The following SLC25A16 variants were observed in gnomAD, a reference collection of about 807,000 sequenced individuals.
The protein encoded by SLC25A16 is mitochondrial coenzyme A transporter SLC25A16.
Under a neutral mutation model 41.5 loss-of-function variants are expected in SLC25A16, and 39 were observed. The ratio of observed to expected loss-of-function variants is 0.94; its 90% CI spans 0.73 to 1.23. The LOEUF (loss-of-function observed/expected upper bound fraction) is 1.23, where lower values mean the gene tolerates loss of function less well. SLC25A16 is among the 50% of genes most tolerant of loss of function. SLC25A16 has a pLI of 0.00. For synonymous variants in SLC25A16, 146 were observed against 147.8 expected, an observed-to-expected ratio of 0.99 and a Z score of 0.09; for missense variants, 421 against 426.9, an observed-to-expected ratio of 0.99 and a Z score of 0.12.
At chr10:68,500,931 A>C (rs1325766782) in intron 4 of SLC25A16, among the ~76,000 whole-genome samples, 1 of 151,386 alleles carries the variant, frequency 6.6e-6, no homozygotes, top group Admixed American at 6.6e-5. Context: ...ACTCCGTCTC[A>C]AAAAAAGAAG....
intron 2 of SLC25A16, among the ~76,000 whole-genome samples, chr10:68,509,739 A>C (rs532287283): frequency 1.1e-4 from 15 of 132,518 alleles, no homozygotes; most frequent in African/African-American, 3.2e-4. Flanking sequence ...ATCTATATAT[A>C]TATCTATATA....
chr10:68,501,715 G>A (rs2052848786), intron 4 of SLC25A16, among the ~76,000 whole-genome samples: 1 of 152,034 alleles, frequency 6.6e-6, no homozygotes, highest in Non-Finnish European at 1.5e-5. Context: ...GAATCCAGGA[G>A]TTTAAGCCAT....
At chr10:68,486,300 G>T (rs1197962250) in intron 8 of SLC25A16, among the ~76,000 whole-genome samples, 2 of 150,270 alleles carry the variant, frequency 1.3e-5, no homozygotes, top group Non-Finnish European at 3.0e-5. Flanking sequence ...TCACTGTGTT[G>T]CCTGGGCTGG....
chr10:68,499,849 A>G (rs538849569), intron 4 of SLC25A16: 269 of 521,900 alleles, frequency 5.2e-4, no homozygotes, highest in Non-Finnish European at 8.1e-4. Context: ...AGTGGTTCTC[A>G]CTAGGATAAA....
At chr10:68,506,155 A>G (rs2052949611) in intron 3 of SLC25A16, among the ~76,000 whole-genome samples, 1 of 152,216 alleles carries the variant, frequency 6.6e-6, no homozygotes, top group Non-Finnish European at 1.5e-5. Flanking sequence ...TATTCCTTTA[A>G]AAAGGCATTG....
chr10:68,524,637 G>A lies in SLC25A16; in HGVS notation c.130+2609C>T, dbSNP rs188220981. 5.0e-4 allele frequency among the ~76,000 whole-genome samples: 74 copies of A among 148,506 alleles called. 1 individual carries two copies. In the East Asian group the frequency reaches 0.014, roughly 28 times the overall value. ...GGCAGGAGAATCGCTTGAACCAGGCGGCAGAGGTTGCAGTGAGCCGAGATT... is the reference window on the plus strand; with the variant it reads ...GGCAGGAGAATCGCTTGAACCAGGCAGCAGAGGTTGCAGTGAGCCGAGATT... On this transcript the variant is annotated intron_variant, in intron 1 of 8. Transcript: ENST00000609923.
chr10:68,518,952 G>A (rs952314015), intron 1 of SLC25A16, among the ~76,000 whole-genome samples: 1 of 152,080 alleles, frequency 6.6e-6, no homozygotes, highest in African/African-American at 2.4e-5. Context: ...CAGCGCTTTG[G>A]GAGGCCGAGG....
At chr10:68,491,225 CTT>C (rs71470521) in intron 6 of SLC25A16, among the ~76,000 whole-genome samples, 3 of 146,028 alleles carry the variant, frequency 2.1e-5, no homozygotes, top group South Asian at 2.2e-4. Flanking sequence ...TTTGTTGTTG[CTT>C]TTTTTTTTTC....
intron 1 of SLC25A16, among the ~76,000 whole-genome samples, chr10:68,526,323 T>C (rs2053337564): frequency 6.6e-6 from 1 of 152,226 alleles, no homozygotes; most frequent in Admixed American, 6.6e-5. Flanking sequence ...TATGCATATC[T>C]AAGAGCACAG....
chr10:68,495,941 G>GT (rs1325701043), intron 4 of SLC25A16, among the ~76,000 whole-genome samples: 2 of 152,038 alleles, frequency 1.3e-5, no homozygotes, highest in Non-Finnish European at 2.9e-5. Context: ...TAATAAGTGG[G>GT]TACCCAAATC....
At chr10:68,484,958 T>G (rs1366610111) in intron 8 of SLC25A16, among the ~76,000 whole-genome samples, 1 of 152,204 alleles carries the variant, frequency 6.6e-6, no homozygotes, top group Admixed American at 6.6e-5. Context: ...CAAGACGTGC[T>G]GTGAGTGTAA....
intron 4 of SLC25A16, among the ~76,000 whole-genome samples, chr10:68,496,222 G>A (rs776981127): frequency 1.2e-4 from 19 of 152,254 alleles, no homozygotes; most frequent in African/African-American, 1.7e-4. Context: ...ATGTAACAAC[G>A]TGGGAATTCA....
At position 68,478,016 on chromosome 10, in the gene SLC25A16, T is replaced by A. The variant is rs899279315; in HGVS notation, c.*5416A>T. The stretch of plus-strand genomic sequence containing the variant: ...GCTGTAATTATTTTATTGCTTGGTA[T>A]GTTTATTGACAAGTTCAAATTTAAT... On this transcript the variant is annotated 3_prime_UTR_variant, in exon 9 of 9. Transcript: ENST00000609923. The A allele has an allele frequency of 1.4e-4, 22 of 152,202 alleles. No individual in the cohort carries two copies. The highest frequency in any genetic ancestry group is 5.3e-4 in the African/African-American group (22 of 41,458). 9.4% of individuals were successfully genotyped at this position (152,202 alleles called of 1,614,324 possible).
chr10:68,518,056 G>C (rs1242220554), intron 1 of SLC25A16: 1 of 152,116 alleles, frequency 6.6e-6, no homozygotes, highest in African/African-American at 2.4e-5. Context: ...CCAACAGTTG[G>C]AGGTCACGGA....
chr10:68,487,100 T>C (rs2052577029), intron 8 of SLC25A16, 44 bp downstream of exon 8: 2 of 1,495,834 alleles, frequency 1.3e-6, no homozygotes, highest in Admixed American at 3.4e-5. Flanking sequence ...AGTTTAATGT[T>C]ACATTTCCTA....
intron 4 of SLC25A16, among the ~76,000 whole-genome samples, chr10:68,501,812 A>C (rs1164406133): frequency 6.6e-6 from 1 of 152,134 alleles, no homozygotes; most frequent in Non-Finnish European, 1.5e-5. Flanking sequence ...CACAACTGAC[A>C]AGTCATATGG....
rs776497836 is a variant in SLC25A16, at chr10:68,487,162, G to A, written c.824C>T (p.Pro275Leu). The A allele has an allele frequency of 8.1e-6, 13 of 1,612,912 alleles. No homozygotes were observed. The highest frequency in any genetic ancestry group is 2.2e-5 in the East Asian group (1 of 44,844). ...AACTTACAGGCACTTTTCAAATTCC[G>A]GCAGAACAGTTCCTAATTGCATTCG... ...RRRMQLGTVL[P>L]EFEKCLTMRD... Residue 275 changes from proline to leucine, a missense_variant, in exon 8 of 9, where the codon CCG becomes CTG. Transcript: ENST00000609923.
intron 6 of SLC25A16, among the ~76,000 whole-genome samples, chr10:68,490,555 T>G (rs921795371): frequency 6.6e-6 from 1 of 151,816 alleles, no homozygotes; most frequent in African/African-American, 2.4e-5. Flanking sequence ...GTTGGTCAGG[T>G]TGGTCTCAAA....
rs368621299 is a variant in SLC25A16, at chr10:68,483,038, C to T, written c.*394G>A. On this transcript the variant is annotated 3_prime_UTR_variant, in exon 9 of 9. Coordinates refer to ENST00000609923, the MANE Select transcript of SLC25A16 (RefSeq NM_152707.4). ...TTCTCATTATTCTATTGCAATATAA[C>T]CAACCCTGTTTATTTTAATAATAAT... 28 of 153,936 alleles carry T rather than the reference C, an allele frequency of 1.8e-4. No homozygotes were observed. The East Asian group carries it at 4.9e-3, about 27-fold the overall frequency. 9.5% of individuals were successfully genotyped at this position (153,936 alleles called of 1,614,324 possible).
Sources: allele counts gnomAD v4.1 joint callset (sites outside exome capture counted in the v4.1 genomes callset), GRCh38; gene constraint gnomAD v4.1.1; transcripts MANE v1.5; gene names NCBI Gene and HGNC (gene_info 2026-07-23, HGNC 2026-07-21).